The following ZNF726 variants were observed in gnomAD, a reference collection of about 807,000 sequenced individuals.
ZNF726 encodes the protein zinc finger protein 726.
A neutral mutation model predicts 11.6 loss-of-function variants in ZNF726; 15 were observed. The observed-to-expected ratio is 1.29, with a 90% CI of 0.86 to 1.99. ZNF726 has a LOEUF of 1.99. Among genes scored for constraint, ZNF726 ranks in the 30% most tolerant of loss-of-function variants. The pLI, the probability that ZNF726 is intolerant of heterozygous loss-of-function variation, is 0.00. For synonymous variants in ZNF726, 295 were observed against 243.6 expected (o/e 1.21, Z -1.96); for missense variants, 890 against 725.6 (o/e 1.23, Z -2.60).
Position 23,943,612 on chromosome 19 carries a change from G to A in ZNF726, c.322+23G>A, listed in dbSNP as rs1003572659. The A allele has an allele frequency of 1.9e-5, 11 of 593,098 alleles. 1 individual carries two copies. The highest frequency in any genetic ancestry group is 1.3e-4 in the Admixed American group (6 of 44,566). 36.7% of individuals were successfully genotyped at this position (593,098 alleles called of 1,614,324 possible). The stretch of plus-strand genomic sequence containing the variant: ...CAGGTAGGTAAGCATGAATGAAGCC[G>A]ATAACACAGATGACAGGTTCAAAGG... On this transcript the variant is annotated intron_variant, in intron 4 of 4. Coordinates refer to the ZNF726 transcript ENST00000334589.
At chr19:23,932,220 G>A (rs955222122) in intron 3 of ZNF726, 123 bp from the exon 4 acceptor site, 1 of 623,342 alleles carries the variant, frequency 1.6e-6, no homozygotes. Context: ...GAAAGAATTA[G>A]GGTCTGTGGT....
chr19:23,925,235 G>A (rs1030682913), intron 3 of ZNF726, among the ~76,000 whole-genome samples: 3 of 151,720 alleles, frequency 2.0e-5, no homozygotes, highest in Non-Finnish European at 4.4e-5. Flanking sequence ...CCTATGTTAT[G>A]TATTTTAGAT....
chr19:23,943,634 A>G (rs758279314), intron 4 of ZNF726: 3 of 549,628 alleles, frequency 5.5e-6, no homozygotes, highest in South Asian at 4.9e-5. Flanking sequence ...GACAGGTTCA[A>G]AGGTCAAAAA....
At chr19:23,930,927 G>T (rs936993713) in intron 3 of ZNF726, among the ~76,000 whole-genome samples, 2 of 151,954 alleles carry the variant, frequency 1.3e-5, no homozygotes, top group African/African-American at 4.8e-5. Context: ...TTTCTATCTT[G>T]CAAAGCTAAA....
At chr19:23,940,460 C>G (rs934318500) in intron 3 of ZNF726, among the ~76,000 whole-genome samples, 1 of 152,030 alleles carries the variant, frequency 6.6e-6, no homozygotes, top group African/African-American at 2.4e-5. Context: ...GTTCTTTTTG[C>G]TTAGTCTTGC....
At chr19:23,922,843 C>T (rs1174530084) in intron 3 of ZNF726, among the ~76,000 whole-genome samples, 1 of 152,008 alleles carries the variant, frequency 6.6e-6, no homozygotes, top group Admixed American at 6.5e-5. Flanking sequence ...ACCATGATGC[C>T]TGGTTCTCTC....
At chr19:23,940,960 G>C (rs1968328967) in intron 3 of ZNF726, among the ~76,000 whole-genome samples, 1 of 152,106 alleles carries the variant, frequency 6.6e-6, no homozygotes, top group South Asian at 2.1e-4. Flanking sequence ...CCTGTTTACT[G>C]ATTTGGATGC....
intron 3 of ZNF726, among the ~76,000 whole-genome samples, chr19:23,925,329 C>G (rs780083372): frequency 1.1e-4 from 16 of 151,928 alleles, no homozygotes; most frequent in African/African-American, 1.7e-4. Flanking sequence ...ATTGGTACAT[C>G]TTTATTTTCC....
chr19:23,931,398 C>T (rs1336122875), intron 3 of ZNF726, among the ~76,000 whole-genome samples: 1 of 152,062 alleles, frequency 6.6e-6, no homozygotes, highest in South Asian at 2.1e-4. Flanking sequence ...TTTTTGTTCT[C>T]GTCCTCATTT....
chr19:23,934,274 AAG>A lies in ZNF726; in HGVS notation c.*310_*311del, dbSNP rs1408411289. On this transcript the variant is annotated 3_prime_UTR_variant, in exon 4 of 4. Transcript: ENST00000594466. ...ATGGTCCACACCCCTAAGTAGACAT[AAG>A]AGGATGCACACTGGAGAGAAACCTT... 3.1e-6 allele frequency: 2 copies of A among 652,432 alleles called. No homozygotes were observed. The highest frequency in any genetic ancestry group is 2.8e-5 in the South Asian group (2 of 71,556). The allele number at this position is 652,432 out of a possible 1,614,324, so 40.4% of individuals were successfully genotyped here.
chr19:23,933,874 T>A lies in ZNF726; in HGVS notation c.1758T>A (p.Ile586=). ...CAAATCTTAGTACGCATAAGATAAT[T>A]CATACTGGAGAGAAACCTTACAAGT... ...RSSNLSTHKI[I]HTGEKPYKCD... Residue 586 remains isoleucine, a synonymous_variant, in exon 4 of 4, where the codon ATT becomes ATA. Coordinates refer to ENST00000594466, the MANE Select transcript of ZNF726 (RefSeq NM_001244038.2). 6.3e-7 allele frequency: 1 copy of A among 1,591,258 alleles called. No homozygotes were observed. The highest frequency in any genetic ancestry group is 8.6e-7 in the Non-Finnish European group (1 of 1,168,866).
intron 3 of ZNF726, among the ~76,000 whole-genome samples, chr19:23,931,965 G>T (rs544916547): frequency 5.9e-5 from 9 of 152,244 alleles, no homozygotes; most frequent in African/African-American, 2.2e-4. Flanking sequence ...GATAATGAAT[G>T]TGCCAGTATT....
rs1204649129 is a variant in ZNF726, at chr19:23,932,601, G to T, written c.485G>T (p.Arg162Ile). 3 of 1,542,628 alleles carry T rather than the reference G, an allele frequency of 1.9e-6. No individual in the cohort carries two copies. The highest frequency in any genetic ancestry group is 1.4e-5 in the African/African-American group (1 of 71,250). Reference protein sequence around the residue: ...KVFYKFINLNRYKIRHTRKKP... With the variant: ...KVFYKFINLNIYKIRHTRKKP... ...TTTTATAAATTTATAAATTTAAACA[G>T]ATATAAGATAAGACATACTAGAAAG... The change falls in exon 4 of 4, where the codon AGA becomes ATA. Residue 162 changes from arginine to isoleucine, a missense_variant. By Grantham distance (97) the Arg-to-Ile change is moderately conservative. Coordinates refer to ENST00000594466, the MANE Select transcript of ZNF726 (RefSeq NM_001244038.2).
At chr19:23,923,012 A>T (rs1967890624) in intron 3 of ZNF726, among the ~76,000 whole-genome samples, 1 of 151,914 alleles carries the variant, frequency 6.6e-6, no homozygotes, top group African/African-American at 2.4e-5. Context: ...TTTTAGATTC[A>T]GACATTTAGG....
chr19:23,916,799 A>C (rs1967711486), intron 1 of ZNF726, among the ~76,000 whole-genome samples: 1 of 151,852 alleles, frequency 6.6e-6, no homozygotes, highest in African/African-American at 2.4e-5. Context: ...TTTTGGGTCA[A>C]GATTTTTTTT....
At chr19:23,920,888 G>T (rs1049355188) in intron 3 of ZNF726, 2 of 150,632 alleles carry the variant, frequency 1.3e-5, no homozygotes, top group South Asian at 2.0e-4. Flanking sequence ...GTTTTGCCAT[G>T]AGAGTACACT....
intron 1 of ZNF726, among the ~76,000 whole-genome samples, chr19:23,916,893 CAT>C (rs1967714509): frequency 6.6e-6 from 1 of 152,016 alleles, no homozygotes; most frequent in Non-Finnish European, 1.5e-5. Context: ...TGACTTGACA[CAT>C]GAGTAAAACA....
Position 23,919,464 on chromosome 19 carries a change from T to C in ZNF726, c.95T>C (p.Val32Ala). The C allele has an allele frequency of 6.2e-7, 1 of 1,606,610 alleles. No individual in the cohort carries two copies. Among genetic ancestry groups the C allele is most frequent in the Non-Finnish European group, 8.5e-7 (1 of 1,176,034 alleles). ...DTAQKNLYRN[V>A]MLENYRNLAF... ...GCACAGAAGAATTTATATAGGAATG[T>C]GATGTTAGAGAACTACAGAAACCTG... Residue 32 changes from valine (V) to alanine (A), a missense_variant, in exon 2 of 4, where the codon GTG becomes GCG. Transcript: ENST00000594466.
chr19:23,921,764 A>G (rs1193556898), intron 3 of ZNF726, among the ~76,000 whole-genome samples: 1 of 152,226 alleles, frequency 6.6e-6, no homozygotes. Context: ...ATTAGTTTAA[A>G]GAGGTTTTAA....
Sources: allele counts gnomAD v4.1 joint callset (sites outside exome capture counted in the v4.1 genomes callset), GRCh38; gene constraint gnomAD v4.1.1; transcripts MANE v1.5; gene names NCBI Gene and HGNC (gene_info 2026-07-23, HGNC 2026-07-21).